CRYL1: variants seen among roughly 807,000 people sequenced by gnomAD.
CRYL1 encodes the protein crystallin lambda 1, also known as lambda-crystallin homolog.
Under a neutral mutation model 36.6 loss-of-function variants are expected in CRYL1, and 29 were observed. The ratio of observed to expected loss-of-function variants is 0.79; its 90% confidence interval spans 0.59 to 1.08. The LOEUF (loss-of-function observed/expected upper bound fraction) is 1.08, where lower values mean the gene tolerates loss of function less well. Ranked by LOEUF, CRYL1 falls within the 50% of genes least tolerant of loss-of-function variation. The probability of loss-of-function intolerance (pLI) is 0.00; values close to 1 mark genes in which losing one functional copy is unlikely to be tolerated. For missense variants in CRYL1, 411 were observed against 407.9 expected (o/e 1.01, Z -0.06); for synonymous variants, 152 against 151.5 (o/e 1.00, Z -0.02).
At chr13:20,458,954 T>C (rs1398262414) in intron 3 of CRYL1, among the ~76,000 whole-genome samples, 1 of 152,206 alleles carries the variant, frequency 6.6e-6, no homozygotes, top group African/African-American at 2.4e-5. Flanking sequence ...GGTGGTAATG[T>C]AAATTAATTC....
intron 2 of CRYL1, among the ~76,000 whole-genome samples, chr13:20,509,176 A>C (rs113793459): frequency 6.6e-6 from 1 of 151,532 alleles, no homozygotes; most frequent in Non-Finnish European, 1.5e-5. Flanking sequence ...CCTGGGCAAC[A>C]AGAGCAAAAC....
intron 6 of CRYL1, among the ~76,000 whole-genome samples, chr13:20,407,940 A>T (rs200568217): frequency 1.1e-4 from 17 of 152,314 alleles, no homozygotes; most frequent in African/African-American, 4.1e-4. Flanking sequence ...GCCCGAGGCC[A>T]CAGCCACTAG....
At chr13:20,522,543 C>G (rs1225823662) in intron 1 of CRYL1, among the ~76,000 whole-genome samples, 1 of 152,138 alleles carries the variant, frequency 6.6e-6, no homozygotes, top group Non-Finnish European at 1.5e-5. Context: ...GTTACAAACG[C>G]TCAACTATCT....
At chr13:20,440,624 A>G (rs894430306) in intron 3 of CRYL1, among the ~76,000 whole-genome samples, 17 of 152,232 alleles carry the variant, frequency 1.1e-4, no homozygotes, top group African/African-American at 4.1e-4. Context: ...TATCATCAAC[A>G]TTTATTTTCC....
intron 5 of CRYL1, chr13:20,430,762 G>A: frequency 1.0e-6 from 1 of 985,352 alleles, no homozygotes; most frequent in South Asian, 4.7e-5. Context: ...GAGATTGCCT[G>A]TAAAACCCCA....
Position 20,420,701 on chromosome 13 carries a change from T to TTTTTTTTTTGTGTG in CRYL1, c.634-7315_634-7314insCACACAAAAAAAAA. On this transcript the variant is annotated intron_variant, in intron 5 of 7. Transcript: ENST00000298248. Reference sequence around the variant, plus strand: ...CTTTGACTTTTCTTTAAAATAGAGGTTGTGTGTGTGTGTGTGTGTGTGTGT... The same window carrying TTTTTTTTTTGTGTG: ...CTTTGACTTTTCTTTAAAATAGAGGTTTTTTTTTTGTGTGTGTGTGTGTGTGTGTGTGTGTGTGT... Among the ~76,000 whole-genome samples, 87 of 21,874 alleles carry TTTTTTTTTTGTGTG rather than the reference T, an allele frequency of 4.0e-3. 15 individuals carry two copies. In the East Asian group the frequency reaches 0.041, roughly 10 times the overall value. The allele number at this position is 21,874 out of a possible 152,430, so 14.4% of individuals were successfully genotyped here.
chr13:20,501,876 C>T (rs367543631), intron 2 of CRYL1, among the ~76,000 whole-genome samples: 8 of 152,274 alleles, frequency 5.3e-5, no homozygotes, highest in African/African-American at 1.9e-4. Context: ...TCCAGACGGG[C>T]AGGTTAAGTT....
At position 20,432,193 on chromosome 13, in the gene CRYL1, T is replaced by C. The variant is rs560608370; in HGVS notation, c.542A>G (p.Gln181Arg). 3.3e-5 allele frequency: 54 copies of C among 1,614,010 alleles called. No homozygotes were observed. The South Asian group carries it at 5.5e-4, about 16-fold the overall frequency. ...CTCCTTCTGGACTCGCATGGGGCACTGTCCAATCTTCTTCATCAGGGCGTG... is the reference window on the plus strand; with the variant it reads ...CTCCTTCTGGACTCGCATGGGGCACCGTCCAATCTTCTTCATCAGGGCGTG... ...RTHALMKKIGQCPMRVQKEVA... is the reference protein window; with the variant it reads ...RTHALMKKIGRCPMRVQKEVA... The change falls in exon 5 of 8, where the codon CAG becomes CGG. Residue 181 changes from glutamine (Q) to arginine (R), a missense_variant. Coordinates refer to ENST00000298248, the MANE Select transcript of CRYL1 (RefSeq NM_015974.3).
intron 3 of CRYL1, among the ~76,000 whole-genome samples, chr13:20,458,521 A>G (rs1428762261): frequency 6.6e-6 from 1 of 152,238 alleles, no homozygotes; most frequent in Non-Finnish European, 1.5e-5. Flanking sequence ...AAAAGTAAAA[A>G]GAAAATGCTA....
intron 1 of CRYL1, among the ~76,000 whole-genome samples, chr13:20,519,700 C>T (rs985271669): frequency 2.6e-5 from 4 of 152,012 alleles, no homozygotes; most frequent in Admixed American, 2.6e-4. Context: ...AGTAGATAAA[C>T]GGCAAGAAAA....
intron 5 of CRYL1, chr13:20,427,311 A>G: frequency 1.0e-6 from 1 of 985,400 alleles, no homozygotes; most frequent in Non-Finnish European, 1.2e-6. Flanking sequence ...GCCAACTGGA[A>G]GAGAAACAAA....
intron 5 of CRYL1, among the ~76,000 whole-genome samples, chr13:20,417,949 G>T (rs1335906332): frequency 1.3e-5 from 2 of 152,190 alleles, no homozygotes; most frequent in Non-Finnish European, 2.9e-5. Flanking sequence ...TACATCAAGA[G>T]ATTTATTTCA....
At position 20,504,801 on chromosome 13, in the gene CRYL1, C is replaced by T. The variant is rs147304363; in HGVS notation, c.149+7642G>A. On this transcript the variant is annotated intron_variant, in intron 2 of 7. Coordinates refer to ENST00000298248, the MANE Select transcript of CRYL1 (RefSeq NM_015974.3). The stretch of plus-strand genomic sequence containing the variant: ...TTAGAAAAAGATTAGTCTCAGATGA[C>T]AGCTTTTTGTTTTTCAAGTTCACTA... Among the ~76,000 whole-genome samples, 1,177 of 152,248 alleles carry T rather than the reference C, an allele frequency of 7.7e-3. 25 individuals are homozygous for T. Among genetic ancestry groups the T allele is most frequent in the African/African-American group, 0.027 (1,136 of 41,558 alleles).
At position 20,489,467 on chromosome 13, in the gene CRYL1, C is replaced by T; in HGVS notation, c.179G>A (p.Gly60Asp). The T allele has an allele frequency of 6.2e-7, 1 of 1,613,454 alleles. No individual in the cohort carries two copies. Among genetic ancestry groups the T allele is most frequent in the Non-Finnish European group, 8.5e-7 (1 of 1,179,998 alleles). Residue 60 changes from glycine (G) to aspartate (D), a missense_variant, in exon 3 of 8, where the codon GGT becomes GAT. Transcript: ENST00000298248. Reference protein sequence around the residue: ...RKEMKLLEQAGSLKGSLSVEE... With the variant: ...RKEMKLLEQADSLKGSLSVEE... ...CACACTCAGGGAGCCTTTCAGAGAA[C>T]CTGCCTGCTCCAGCAACTTCATCTC...
chr13:20,459,062 C>T (rs1298213923), intron 3 of CRYL1, among the ~76,000 whole-genome samples: 3 of 151,842 alleles, frequency 2.0e-5, no homozygotes, highest in Non-Finnish European at 2.9e-5. Flanking sequence ...GGTGAAACCC[C>T]GTCTCTACTA....
intron 3 of CRYL1, among the ~76,000 whole-genome samples, chr13:20,457,918 T>G (rs754560746): frequency 6.6e-6 from 1 of 152,128 alleles, no homozygotes; most frequent in Non-Finnish European, 1.5e-5. Context: ...ATCCAGGTAC[T>G]CAGTGGGGGA....
chr13:20,445,887 G>A (rs2032442360), intron 3 of CRYL1, among the ~76,000 whole-genome samples: 2 of 152,306 alleles, frequency 1.3e-5, no homozygotes, highest in South Asian at 4.1e-4. Context: ...ATGGACAGAT[G>A]TGTGGATATT....
intron 2 of CRYL1, among the ~76,000 whole-genome samples, chr13:20,496,603 G>C (rs2033608301): frequency 3.3e-5 from 5 of 152,008 alleles, no homozygotes; most frequent in Admixed American, 1.3e-4. Context: ...GCTAATAATG[G>C]ATCTTTTTTT....
chr13:20,482,545 G>T (rs2033298755), intron 3 of CRYL1, among the ~76,000 whole-genome samples: 1 of 152,218 alleles, frequency 6.6e-6, no homozygotes, highest in African/African-American at 2.4e-5. Flanking sequence ...TAGAAATTCA[G>T]GTTTCTTTCT....
Sources: allele counts gnomAD v4.1 joint callset (sites outside exome capture counted in the v4.1 genomes callset), GRCh38; gene constraint gnomAD v4.1.1; transcripts MANE v1.5; gene names NCBI Gene and HGNC (gene_info 2026-07-23, HGNC 2026-07-21).